Variants in HDAC9 observed in about 807,000 individuals in gnomAD.
HDAC9 encodes the protein MEF-2 interacting transcription repressor (MITR) protein.
In HDAC9, 41 loss-of-function variants were observed where a neutral mutation model predicts 139.4. That is an observed-to-expected ratio of 0.29 (90% CI 0.23 to 0.38). The LOEUF is 0.38. Ranked by LOEUF, HDAC9 falls within the 10% of genes least tolerant of loss-of-function variation. The probability of loss-of-function intolerance (pLI) is 1.00; values close to 1 mark genes in which losing one functional copy is unlikely to be tolerated. For missense variants in HDAC9, 1,147 were observed against 1,297.0 expected (o/e 0.88, Z 1.78); for synonymous variants, 517 against 476.2 (o/e 1.09, Z -1.12).
intron 1 of HDAC9, among the ~76,000 whole-genome samples, chr7:18,115,881 A>G (rs1783944575): frequency 6.6e-6 from 1 of 152,246 alleles, no homozygotes; most frequent in Non-Finnish European, 1.5e-5. Context: ...AATTTTTTGC[A>G]GCTTCCAGGG....
In HDAC9 at chr7:18,957,884, A is replaced by G. The variant is rs543990045; in HGVS notation, c.3022+3654A>G. Among the ~76,000 whole-genome samples the G allele has an allele frequency of 2.0e-5, 3 of 152,290 alleles. No individual in the cohort carries two copies. The South Asian group carries it at 6.2e-4, about 32-fold the overall frequency. On this transcript the variant is annotated intron_variant, in intron 24 of 25. Coordinates refer to ENST00000686413, the MANE Select transcript of HDAC9 (RefSeq NM_178425.4). ...TTGTGCTGCAGTTTGCAACGACAGTATCAGAAAACTATGTTACTCTTGAGA... is the reference window on the plus strand; with the variant it reads ...TTGTGCTGCAGTTTGCAACGACAGTGTCAGAAAACTATGTTACTCTTGAGA...
intron 2 of HDAC9, among the ~76,000 whole-genome samples, chr7:18,213,028 A>G (rs1194763525): frequency 6.6e-6 from 1 of 152,222 alleles, no homozygotes; most frequent in Non-Finnish European, 1.5e-5. Flanking sequence ...TAATTTGGAT[A>G]ACTACAGCTA....
chr7:18,207,387 T>G lies in HDAC9; in HGVS notation c.25+45038T>G, dbSNP rs562403742. On this transcript the variant is annotated intron_variant, in intron 2 of 12. Coordinates refer to the HDAC9 transcript ENST00000417496. ...AAATATTTTAGGATCCATGCAATTT[T>G]GTTTTGATTCATTATTTTTATTTAT... 7.9e-5 allele frequency among the ~76,000 whole-genome samples: 12 copies of G among 152,120 alleles called. No individual in the cohort carries two copies. The East Asian group carries it at 2.1e-3, about 27-fold the overall frequency.
At chr7:18,443,934 A>G (rs1039682782) in intron 1 of HDAC9, among the ~76,000 whole-genome samples, 12 of 151,174 alleles carry the variant, frequency 7.9e-5, no homozygotes, top group African/African-American at 2.9e-4. Context: ...ATATATGTAT[A>G]TATATGTATG....
intron 1 of HDAC9, among the ~76,000 whole-genome samples, chr7:18,107,354 T>G (rs1783290495): frequency 6.6e-6 from 1 of 152,244 alleles, no homozygotes; most frequent in Non-Finnish European, 1.5e-5. Flanking sequence ...TTTGGTAAGT[T>G]TTGAACAAAT....
At chr7:18,743,568 C>G (rs891953787) in intron 13 of HDAC9, among the ~76,000 whole-genome samples, 9 of 150,422 alleles carry the variant, frequency 6.0e-5, no homozygotes, top group African/African-American at 2.2e-4. Context: ...TATCACACCA[C>G]TACACTCCAG....
chr7:18,574,285 C>T (rs1160016641), intron 2 of HDAC9, among the ~76,000 whole-genome samples: 1 of 152,206 alleles, frequency 6.6e-6, no homozygotes, highest in East Asian at 1.9e-4. Flanking sequence ...GTCCAGACAT[C>T]TGTGCAGCCC....
intron 1 of HDAC9, among the ~76,000 whole-genome samples, chr7:18,147,983 T>C (rs1786475863): frequency 6.6e-6 from 1 of 152,188 alleles, no homozygotes; most frequent in Non-Finnish European, 1.5e-5. Flanking sequence ...TTTTCACATA[T>C]TCATTCTCCT....
chr7:18,094,024 T>G (rs1469917524), intron 1 of HDAC9, among the ~76,000 whole-genome samples: 1 of 152,180 alleles, frequency 6.6e-6, no homozygotes, highest in Non-Finnish European at 1.5e-5. Flanking sequence ...GAGGAAGCCT[T>G]TAAGATTTCC....
At chr7:18,188,900 G>A (rs1790118897) in intron 2 of HDAC9, among the ~76,000 whole-genome samples, 1 of 152,216 alleles carries the variant, frequency 6.6e-6, no homozygotes, top group Non-Finnish European at 1.5e-5. Flanking sequence ...TGGTGGGGAT[G>A]AAAATTAGTT....
chr7:18,445,167 A>T (rs1358319059), intron 1 of HDAC9, among the ~76,000 whole-genome samples: 1 of 152,184 alleles, frequency 6.6e-6, no homozygotes, highest in Non-Finnish European at 1.5e-5. Flanking sequence ...TTAAGACAAT[A>T]GTCATATCAT....
intron 2 of HDAC9, among the ~76,000 whole-genome samples, chr7:18,529,293 T>C (rs1808048892): frequency 6.6e-6 from 1 of 152,138 alleles, no homozygotes; most frequent in Non-Finnish European, 1.5e-5. Flanking sequence ...TTCCTAAGGT[T>C]GTCAGTTGGC....
In HDAC9 at chr7:18,496,019, C is replaced by T; in HGVS notation, c.-46C>T. The T allele has an allele frequency of 7.0e-7, 1 of 1,423,472 alleles. No homozygotes were observed. Among genetic ancestry groups the T allele is most frequent in the Non-Finnish European group, 9.1e-7 (1 of 1,092,966 alleles). 88.2% of individuals were successfully genotyped at this position (1,423,472 alleles called of 1,614,324 possible). The stretch of plus-strand genomic sequence containing the variant: ...TCCACTCTGTCCTTTCTGCTTTGCA[C>T]ACAGGTTGGTAACATGGGAAAAGTG... On this transcript the variant is annotated 5_prime_UTR_variant, in exon 1 of 26. Coordinates refer to ENST00000686413, the MANE Select transcript of HDAC9 (RefSeq NM_178425.4).
chr7:18,928,012 A>G (rs1804388868), intron 22 of HDAC9, among the ~76,000 whole-genome samples: 1 of 152,226 alleles, frequency 6.6e-6, no homozygotes, highest in African/African-American at 2.4e-5. Context: ...CTTATCCAAT[A>G]GATCACAATG....
chr7:18,352,017 G>T (rs1230213509), intron 1 of HDAC9, among the ~76,000 whole-genome samples: 3 of 152,054 alleles, frequency 2.0e-5, no homozygotes, highest in South Asian at 4.1e-4. Flanking sequence ...AGCTCAAGAA[G>T]AAAAAAATTC....
At chr7:18,135,224 G>A (rs1437398837) in intron 1 of HDAC9, among the ~76,000 whole-genome samples, 1 of 148,926 alleles carries the variant, frequency 6.7e-6, no homozygotes, top group Non-Finnish European at 1.5e-5. Flanking sequence ...CTCTTAGGAA[G>A]ATAATTGTGT....
chr7:18,918,141 G>A (rs1361677403), intron 22 of HDAC9, among the ~76,000 whole-genome samples: 1 of 152,016 alleles, frequency 6.6e-6, no homozygotes, highest in Non-Finnish European at 1.5e-5. Flanking sequence ...TTGGAGATAA[G>A]GGCTAGAAAA....
At chr7:18,609,876 C>A (rs141213154) in intron 6 of HDAC9, among the ~76,000 whole-genome samples, 1 of 150,064 alleles carries the variant, frequency 6.7e-6, no homozygotes, top group Non-Finnish European at 1.5e-5. Context: ...TGAGAACATG[C>A]GGTGTTTGGG....
At chr7:18,234,429 C>G (rs922064203) in intron 2 of HDAC9, among the ~76,000 whole-genome samples, 1 of 152,126 alleles carries the variant, frequency 6.6e-6, no homozygotes, top group Non-Finnish European at 1.5e-5. Context: ...TTGAACTGAC[C>G]GTTTTCCTCA....
Sources: allele counts gnomAD v4.1 joint callset (sites outside exome capture counted in the v4.1 genomes callset), GRCh38; gene constraint gnomAD v4.1.1; transcripts MANE v1.5; gene names NCBI Gene and HGNC (gene_info 2026-07-23, HGNC 2026-07-21).